LRP2: variants seen among roughly 807,000 people sequenced by gnomAD.
LRP2 encodes LDL receptor related protein 2.
A neutral mutation model predicts 531.0 loss-of-function variants in LRP2; 172 were observed. The observed-to-expected ratio is 0.32, with a 90% CI of 0.29 to 0.37. LRP2 has a LOEUF of 0.37. Ranked by LOEUF, LRP2 falls within the 10% of genes least tolerant of loss-of-function variation. LRP2 has a pLI of 1.00. For missense variants in LRP2, 5,167 were observed against 5,868.3 expected, an observed-to-expected ratio of 0.88 and a Z score of 3.90; for synonymous variants, 1,992 against 2,027.6, an observed-to-expected ratio of 0.98 and a Z score of 0.47.
At position 169,206,700 on chromosome 2, in the gene LRP2, C is replaced by T. The variant is rs1395247333; in HGVS notation, c.7020G>A (p.Glu2340=). The change falls in exon 39 of 79, where the codon GAG becomes GAA. Residue 2340 remains glutamate (E), a synonymous_variant. Coordinates refer to ENST00000649046, the MANE Select transcript of LRP2 (RefSeq NM_004525.3). The stretch of plus-strand genomic sequence containing the variant: ...TTTCCAAGCAAGGGTTGTTGTTGAC[C>T]TCTGCTGGTGACCGGGGCTGGACTT... The part of the protein sequence containing the change: ...DKQVQPRSPA[E]VNNNPCLENN... 1 of 1,614,130 alleles carries T rather than the reference C, an allele frequency of 6.2e-7. No homozygotes were observed. Among genetic ancestry groups the T allele is most frequent in the Admixed American group, 1.7e-5 (1 of 60,006 alleles).
At chr2:169,242,933 C>T (rs773701900) in intron 24 of LRP2, 23 bp downstream of exon 24, 6 of 1,544,886 alleles carry the variant, frequency 3.9e-6, no homozygotes, top group East Asian at 2.2e-5. Context: ...TTGTCTGAAA[C>T]ATTCTGGGTA....
rs1057271400 is a variant in LRP2 at position 169,285,618 on chromosome 2, G to A, written c.1043-2617C>T. On this transcript the variant is annotated intron_variant, in intron 9 of 78. Coordinates refer to ENST00000649046, the MANE Select transcript of LRP2 (RefSeq NM_004525.3). The stretch of plus-strand genomic sequence containing the variant: ...GACTCAAAAACCCCTTTTTAACTGA[G>A]CCCCCCTTGGCCACCCTCTGATCCA... 3.3e-5 allele frequency among the ~76,000 whole-genome samples: 5 copies of A among 151,852 alleles called. No individual in the cohort carries two copies. In the South Asian group the frequency reaches 6.2e-4, roughly 19 times the overall value.
intron 3 of LRP2, among the ~76,000 whole-genome samples, chr2:169,309,575 T>A (rs1453374997): frequency 2.0e-5 from 3 of 152,216 alleles, no homozygotes; most frequent in Non-Finnish European, 2.9e-5. Context: ...TCTGTTCCAT[T>A]GGTCTATATC....
intron 37 of LRP2, 21 bp from the exon 38 acceptor site, chr2:169,209,662 A>G (rs1402762889): frequency 6.2e-7 from 1 of 1,611,422 alleles, no homozygotes; most frequent in Non-Finnish European, 8.5e-7. Context: ...AGAAAAGATC[A>G]TTAAAAAATG....
Position 169,362,514 on chromosome 2 carries a change from G to C in LRP2, c.-115C>G. ...CTCCTTTAGGTCTGCACCTCCGCCA[G>C]CTCCTAGTGGCCAAAAGCCTGCCCC... is the stretch of plus-strand genomic sequence containing the variant. On this transcript the variant is annotated 5_prime_UTR_variant, in exon 1 of 79. Coordinates refer to ENST00000649046, the MANE Select transcript of LRP2 (RefSeq NM_004525.3). 1.1e-6 allele frequency: 1 copy of C among 902,192 alleles called. No homozygotes were observed. The highest frequency in any genetic ancestry group is 1.4e-5 in the South Asian group (1 of 69,174). 55.9% of individuals were successfully genotyped at this position (902,192 alleles called of 1,614,324 possible).
chr2:169,199,567 T>A (rs1307940188), intron 44 of LRP2, among the ~76,000 whole-genome samples: 2 of 152,214 alleles, frequency 1.3e-5, no homozygotes, highest in African/African-American at 4.8e-5. Flanking sequence ...TTTGGAACTA[T>A]GTATGCTATT....
intron 56 of LRP2, 115 bp downstream of exon 56, chr2:169,173,804 G>A (rs1687086441): frequency 7.0e-7 from 1 of 1,437,118 alleles, no homozygotes. Context: ...GGAGTGCCAA[G>A]GGGGAGCATC....
At chr2:169,293,383 T>G (rs1334925431) in intron 6 of LRP2, among the ~76,000 whole-genome samples, 2 of 152,162 alleles carry the variant, frequency 1.3e-5, no homozygotes, top group African/African-American at 2.4e-5. Flanking sequence ...TATACCACAC[T>G]GAAACTTTCA....
In LRP2 at chr2:169,128,410, A is replaced by G. The variant is rs61116673; in HGVS notation, c.*253T>C. Reference sequence around the variant, plus strand: ...GATAATCTTTCCAAAATTTACAAATATACAATATATTTATAGTATTACCTT... The same window carrying G: ...GATAATCTTTCCAAAATTTACAAATGTACAATATATTTATAGTATTACCTT... On this transcript the variant is annotated 3_prime_UTR_variant, in exon 79 of 79. Transcript: ENST00000649046. The G allele has an allele frequency of 9.6e-3, 3,439 of 356,926 alleles. 104 individuals carry two copies. Among genetic ancestry groups the G allele is most frequent in the African/African-American group, 0.067 (3,205 of 47,482 alleles). 22.1% of individuals were successfully genotyped at this position (356,926 alleles called of 1,614,324 possible).
intron 52 of LRP2, 86 bp downstream of exon 52, chr2:169,181,362 A>G: frequency 7.4e-7 from 1 of 1,346,682 alleles, no homozygotes; most frequent in Non-Finnish European, 1.1e-6. Flanking sequence ...GTTAGACAAT[A>G]GAGGGGACTA....
chr2:169,203,186 T>C (rs1688259920), intron 42 of LRP2, among the ~76,000 whole-genome samples: 1 of 152,118 alleles, frequency 6.6e-6, no homozygotes, highest in Non-Finnish European at 1.5e-5. Flanking sequence ...CAACAGGAAA[T>C]ATCAACGACT....
At chr2:169,302,098 A>T (rs1230106329) in intron 4 of LRP2, among the ~76,000 whole-genome samples, 2 of 152,130 alleles carry the variant, frequency 1.3e-5, no homozygotes, top group Admixed American at 1.3e-4. Context: ...ACAAGTAATG[A>T]TTTCCATGCA....
Position 169,286,735 on chromosome 2 carries a change from G to A in LRP2, c.1042+2291C>T, listed in dbSNP as rs760716190. Reference sequence around the variant, plus strand: ...TGGGGCATCACAAGACTGAATTAGCGATTCTGAAAGAACAAATCACTTTTC... The same window carrying A: ...TGGGGCATCACAAGACTGAATTAGCAATTCTGAAAGAACAAATCACTTTTC... On this transcript the variant is annotated intron_variant, in intron 9 of 78. Coordinates refer to ENST00000649046, the MANE Select transcript of LRP2 (RefSeq NM_004525.3). Among the ~76,000 whole-genome samples the A allele has an allele frequency of 5.3e-5, 8 of 152,146 alleles. 1 individual carries two copies. In the South Asian group the frequency reaches 6.2e-4, roughly 12 times the overall value.
rs578086156 is a variant in LRP2, at chr2:169,248,269, T to C, written c.2771-754A>G. On this transcript the variant is annotated intron_variant, in intron 19 of 78. Coordinates refer to ENST00000649046, the MANE Select transcript of LRP2 (RefSeq NM_004525.3). ...AAACATATATTTTTAAAAGAAAGAA[T>C]TGCATCAATGTGGATTTTCTCTTTA... Among the ~76,000 whole-genome samples the C allele has an allele frequency of 2.1e-3, 313 of 152,328 alleles. 5 individuals carry two copies. Among genetic ancestry groups the C allele is most frequent in the African/African-American group, 7.2e-3 (301 of 41,576 alleles).
intron 61 of LRP2, among the ~76,000 whole-genome samples, chr2:169,166,684 C>T (rs766411318): frequency 6.6e-6 from 1 of 152,236 alleles, no homozygotes; most frequent in Non-Finnish European, 1.5e-5. Flanking sequence ...ATCTCACAAT[C>T]AAACCCTGAC....
At chr2:169,269,875 C>G (rs994380563) in intron 16 of LRP2, among the ~76,000 whole-genome samples, 3 of 152,174 alleles carry the variant, frequency 2.0e-5, no homozygotes, top group Non-Finnish European at 2.9e-5. Flanking sequence ...GGGCTAATAT[C>G]CAGAATCTAC....
chr2:169,235,867 A>C lies in LRP2; in HGVS notation c.4893T>G (p.His1631Gln), dbSNP rs201775164. ...YMDFCDYNGHHRRQVIASDLI... is the reference protein window; with the variant it reads ...YMDFCDYNGHQRRQVIASDLI... The stretch of plus-strand genomic sequence containing the variant: ...AATCACTGGCTATCACCTGTCTCCG[A>C]TGGTGTCCATTATAATCACAAAAGT... The change falls in exon 29 of 79, where the codon CAT (histidine) becomes CAG (glutamine). Residue 1631 changes from histidine (H) to glutamine (Q), a missense_variant. Transcript: ENST00000649046. 3 of 1,614,166 alleles carry C rather than the reference A, an allele frequency of 1.9e-6. No homozygotes were observed. Among genetic ancestry groups the C allele is most frequent in the Admixed American group, 3.3e-5 (2 of 60,028 alleles).
intron 13 of LRP2, among the ~76,000 whole-genome samples, chr2:169,275,523 G>T (rs1178423852): frequency 1.3e-5 from 2 of 151,944 alleles, no homozygotes; most frequent in Non-Finnish European, 2.9e-5. Flanking sequence ...TTCCCCTTTT[G>T]TTCTTCATTC....
chr2:169,337,763 T>G (rs1685444207), intron 1 of LRP2, among the ~76,000 whole-genome samples: 1 of 152,208 alleles, frequency 6.6e-6, no homozygotes, highest in Non-Finnish European at 1.5e-5. Context: ...CATGTACATC[T>G]ACATATATGC....
Sources: gnomAD v4.1 joint callset for allele counts (sites outside exome capture counted in the v4.1 genomes callset) on GRCh38, gnomAD v4.1.1 for gene constraint, MANE v1.5 for transcripts, NCBI Gene and HGNC (gene_info 2026-07-23, HGNC 2026-07-21) for gene names.